ZNF469: variants seen among roughly 807,000 people sequenced by gnomAD.
ZNF469 encodes zinc finger protein 469.
Under a neutral mutation model 1.0 loss-of-function variants are expected in ZNF469, and 1 was observed. That is an observed-to-expected ratio of 1.00 (90% CI 0.35 to 4.73). The LOEUF (loss-of-function observed/expected upper bound fraction) is 4.73, where lower values mean the gene tolerates loss of function less well. ZNF469 is among the 30% of genes most tolerant of loss of function. ZNF469 has a pLI of 0.16. For synonymous variants in ZNF469, 2,703 were observed against 2,363.4 expected, an observed-to-expected ratio of 1.14 and a Z score of -4.17; for missense variants, 6,100 against 5,356.3, an observed-to-expected ratio of 1.14 and a Z score of -4.33.
the ZNF469 span, among the ~76,000 whole-genome samples, chr16:88,249,036 C>T: frequency 3.9e-5 from 6 of 152,130 alleles, no homozygotes; most frequent in Non-Finnish European, 7.4e-5. Context: ...GTCTCCCTCT[C>T]ACGCTGCACA....
the ZNF469 span, among the ~76,000 whole-genome samples, chr16:88,227,366 C>T: frequency 2.0e-5 from 3 of 152,156 alleles, no homozygotes; most frequent in East Asian, 1.9e-4. Flanking sequence ...GCCACTCAGC[C>T]GTGCCTGGCC....
chr16:88,117,219 T>C, the ZNF469 span, among the ~76,000 whole-genome samples: 2 of 147,402 alleles, frequency 1.4e-5, no homozygotes, highest in Admixed American at 6.7e-5. Flanking sequence ...ACGTGAGAGC[T>C]GGGGTCGTGT....
upstream of ZNF469, among the ~76,000 whole-genome samples, chr16:88,382,956 G>A (rs982780914): frequency 4.0e-5 from 6 of 151,626 alleles, no homozygotes; most frequent in Non-Finnish European, 7.4e-5. Context: ...GCCTCCGGGG[G>A]GCAGACCCCG....
chr16:88,131,045 C>T, the ZNF469 span, among the ~76,000 whole-genome samples: 2 of 152,236 alleles, frequency 1.3e-5, no homozygotes, highest in African/African-American at 2.4e-5. Flanking sequence ...GCGCGGCGTT[C>T]GCCTGGCATT....
chr16:88,259,137 T>C, the ZNF469 span, among the ~76,000 whole-genome samples: 4 of 152,250 alleles, frequency 2.6e-5, no homozygotes, highest in African/African-American at 9.6e-5. The surrounding 1 kb of genome is among the most constrained non-coding windows in gnomAD (Gnocchi z 4.1). Flanking sequence ...GAAAAAGCCA[T>C]GCCACAAGGC....
the ZNF469 span, among the ~76,000 whole-genome samples, chr16:88,173,336 C>T: frequency 5.3e-5 from 8 of 152,134 alleles, no homozygotes; most frequent in South Asian, 2.1e-4. Flanking sequence ...GCTAAGGAGG[C>T]GGTTGGTGGG....
chr16:88,198,194 C>T, the ZNF469 span, among the ~76,000 whole-genome samples: 1 of 152,224 alleles, frequency 6.6e-6, no homozygotes, highest in Non-Finnish European at 1.5e-5. Flanking sequence ...GGGTGAGATG[C>T]GTGACAGAAG....
chr16:88,229,568 C>CACGTGTGT, the ZNF469 span, among the ~76,000 whole-genome samples: 10 of 120,944 alleles, frequency 8.3e-5, no homozygotes, highest in East Asian at 4.9e-4. Context: ...GTGGATGTCA[C>CACGTGTGT]GCTTGTGCGC....
At chr16:88,163,691 T>G in the ZNF469 span, among the ~76,000 whole-genome samples, 1 of 149,528 alleles carries the variant, frequency 6.7e-6, no homozygotes, top group Non-Finnish European at 1.5e-5. Context: ...TATGGGTGGG[T>G]GGATGTATGA....
intron 1 of ZNF469, among the ~76,000 whole-genome samples, chr16:88,408,829 A>C (rs1486115395): frequency 6.6e-6 from 1 of 152,206 alleles, no homozygotes; most frequent in Admixed American, 6.5e-5. Context: ...ACATGGCCCC[A>C]GTGCCTTTTC....
chr16:88,249,808 C>G, the ZNF469 span, among the ~76,000 whole-genome samples: 3 of 152,192 alleles, frequency 2.0e-5, no homozygotes, highest in Non-Finnish European at 4.4e-5. Context: ...AGTGATTCTC[C>G]CTGCTTGGCC....
At chr16:88,378,453 G>A (rs1053204658), upstream of ZNF469, among the ~76,000 whole-genome samples, 9 of 152,176 alleles carry the variant, frequency 5.9e-5, no homozygotes, top group South Asian at 2.1e-4. Flanking sequence ...GCATCGTAAC[G>A]GGGAGAGGAC....
At chr16:88,102,784 C>T in the ZNF469 span, among the ~76,000 whole-genome samples, 3 of 152,168 alleles carry the variant, frequency 2.0e-5, no homozygotes, top group African/African-American at 7.2e-5. Flanking sequence ...TCACTTGCTA[C>T]CAAGGCGTCC....
chr16:88,360,767 T>C, the ZNF469 span, among the ~76,000 whole-genome samples: 1 of 145,606 alleles, frequency 6.9e-6, no homozygotes, highest in South Asian at 2.2e-4. Flanking sequence ...CCAGACAGCA[T>C]GCTCCCTCAA....
At chr16:88,193,205 TGGG>T in the ZNF469 span, among the ~76,000 whole-genome samples, 223 of 90,186 alleles carry the variant, frequency 2.5e-3, 1 homozygote, top group Non-Finnish European at 3.6e-3. Flanking sequence ...GTGATGGTGG[TGGG>T]GATGGTGGTG....
chr16:88,264,122 G>C, the ZNF469 span, among the ~76,000 whole-genome samples: 1 of 152,070 alleles, frequency 6.6e-6, no homozygotes, highest in Non-Finnish European at 1.5e-5. Context: ...GGCCACAGGG[G>C]CCACGTCCTC....
the ZNF469 span, among the ~76,000 whole-genome samples, chr16:88,120,537 G>A: frequency 1.2e-4 from 18 of 152,262 alleles, no homozygotes; most frequent in Admixed American, 5.2e-4. Context: ...AGTTGCAGGC[G>A]GCCGGATGCT....
At chr16:88,386,229 C>G (rs532502119) in intron 1 of ZNF469, among the ~76,000 whole-genome samples, 42 of 152,218 alleles carry the variant, frequency 2.8e-4, no homozygotes, top group Non-Finnish European at 4.9e-4. Flanking sequence ...GTGACCAGCC[C>G]GTCCTCCTGC....
chr16:88,344,712 A>G, the ZNF469 span, among the ~76,000 whole-genome samples: 1 of 152,236 alleles, frequency 6.6e-6, no homozygotes. Flanking sequence ...GCATATGGCC[A>G]TGGTGGACCC....
Sources: allele counts gnomAD v4.1 joint callset (sites outside exome capture counted in the v4.1 genomes callset), GRCh38; gene constraint gnomAD v4.1.1; non-coding constraint Gnocchi (gnomAD v3.1); transcripts MANE v1.5; gene names NCBI Gene and HGNC (gene_info 2026-07-23, HGNC 2026-07-21).